MGA: variants seen among roughly 807,000 people sequenced by gnomAD.
MGA encodes the protein MAX gene-associated protein.
In MGA, 40 loss-of-function variants were observed where a neutral mutation model predicts 261.1. The ratio of observed to expected loss-of-function variants is 0.15; its 90% CI spans 0.12 to 0.20. MGA has a LOEUF of 0.20. Among genes scored for constraint, MGA ranks in the 10% least tolerant of loss-of-function variants. MGA has a pLI of 1.00. For missense variants in MGA, 3,397 were observed against 3,630.5 expected (o/e 0.94, Z 1.65); for synonymous variants, 1,302 against 1,290.6 (o/e 1.01, Z -0.19).
At chr15:41,662,350 G>A (rs1460134460) in intron 1 of MGA, among the ~76,000 whole-genome samples, 1 of 152,080 alleles carries the variant, frequency 6.6e-6, no homozygotes, top group East Asian at 1.9e-4. Context: ...CCATTCTTAG[G>A]AATAAAAAAT....
At chr15:41,695,132 A>G (rs1255484221) in intron 2 of MGA, among the ~76,000 whole-genome samples, 1 of 151,246 alleles carries the variant, frequency 6.6e-6, no homozygotes, top group African/African-American at 2.4e-5. Flanking sequence ...TGAGAGGTGC[A>G]GTTTTAGAAT....
At chr15:41,630,213 C>T (rs1260810234) in intron 1 of MGA, among the ~76,000 whole-genome samples, 2 of 152,186 alleles carry the variant, frequency 1.3e-5, no homozygotes, top group African/African-American at 2.4e-5. Context: ...TGCCCTGCCT[C>T]AAACTCCTAC....
intron 5 of MGA, among the ~76,000 whole-genome samples, chr15:41,707,259 C>T (rs771233492): frequency 1.3e-5 from 2 of 152,158 alleles, no homozygotes; most frequent in Non-Finnish European, 2.9e-5. Flanking sequence ...TAGTTGGGTC[C>T]TCTGCTTAGG....
chr15:41,748,486 G>GC lies in MGA; in HGVS notation c.5213-150dup, dbSNP rs2062638029. On this transcript the variant is annotated intron_variant, in intron 15 of 23. Transcript: ENST00000219905. ...GAAGAATCACTTGAACTAGGGAGGT[G>GC]CGGAGGTTGTAGTCAGTCGAGGTTG... 6 of 770,862 alleles carry GC rather than the reference G, an allele frequency of 7.8e-6. No individual in the cohort carries two copies. The African/African-American group carries it at 1.0e-4, about 13-fold the overall frequency. 47.8% of individuals were successfully genotyped at this position (770,862 alleles called of 1,614,324 possible). A position where few individuals can be genotyped will look rare whatever the true frequency, so the allele number is the denominator to read the frequency against.
chr15:41,651,356 T>C (rs2057038412), intron 1 of MGA, among the ~76,000 whole-genome samples: 1 of 152,220 alleles, frequency 6.6e-6, no homozygotes, highest in African/African-American at 2.4e-5. Flanking sequence ...TGTTTTACTC[T>C]TATAAAGGCA....
chr15:41,665,699 A>G (rs555875552), intron 1 of MGA, among the ~76,000 whole-genome samples: 1 of 152,146 alleles, frequency 6.6e-6, no homozygotes, highest in East Asian at 1.9e-4. Context: ...TTATTGAGAT[A>G]TAATTCACAT....
chr15:41,749,483 T>G lies in MGA; in HGVS notation c.5876T>G (p.Ile1959Ser), dbSNP rs1228635183. The change falls in exon 17 of 24, where the codon ATT becomes AGT. Residue 1959 changes from isoleucine to serine, a missense_variant. Ile to Ser is a moderately radical substitution (Grantham distance 142). Around this residue, in one of 9 missense-constraint regions of MGA, gnomAD observed 1,410 missense variants for 1,386.4 expected, o/e 1.02. Transcript: ENST00000219905. ...GGACAAAAGCCTGTTCCTAGCTCCA[T>G]TCTTCAGCATGTTGCTTCCCTTCAG... The G allele has an allele frequency of 6.2e-7, 1 of 1,613,978 alleles. No homozygotes were observed.
chr15:41,714,006 TATG>T (rs1247931295), intron 9 of MGA, among the ~76,000 whole-genome samples: 1 of 152,152 alleles, frequency 6.6e-6, no homozygotes, highest in African/African-American at 2.4e-5. Context: ...GAGGATAAAA[TATG>T]ATGTAGATGT....
At chr15:41,629,084 C>T (rs983524255) in intron 1 of MGA, among the ~76,000 whole-genome samples, 7 of 130,722 alleles carry the variant, frequency 5.4e-5, no homozygotes, top group South Asian at 2.3e-4. Context: ...CCAGCCTGGG[C>T]GACTGAGCAA....
chr15:41,746,385 A>G (rs1372592460), intron 15 of MGA, among the ~76,000 whole-genome samples: 1 of 152,018 alleles, frequency 6.6e-6, no homozygotes, highest in African/African-American at 2.4e-5. Context: ...TACTAAAAAT[A>G]CAAAAAAAAT....
At chr15:41,717,543 T>C (rs1457289973) in intron 9 of MGA, among the ~76,000 whole-genome samples, 3 of 152,168 alleles carry the variant, frequency 2.0e-5, no homozygotes, top group Admixed American at 1.3e-4. Context: ...GGAAAAACTC[T>C]TTAAAAGACA....
chr15:41,621,846 G>C lies in MGA; in HGVS notation c.-68+548G>C, dbSNP rs377674170. On this transcript the variant is annotated intron_variant, in intron 1 of 8. Coordinates refer to the MGA transcript ENST00000566718. ...TCGACCGGGCCCTGACGGCCTGAGCGGTCTTTCGAAGCGCGTGTGCGGCCT... is the reference window on the plus strand; with the variant it reads ...TCGACCGGGCCCTGACGGCCTGAGCCGTCTTTCGAAGCGCGTGTGCGGCCT... Among the ~76,000 whole-genome samples, 10 of 152,330 alleles carry C rather than the reference G, an allele frequency of 6.6e-5. No homozygotes were observed. The East Asian group carries it at 1.9e-3, about 29-fold the overall frequency.
At chr15:41,685,767 G>A (rs2058920209) in intron 2 of MGA, among the ~76,000 whole-genome samples, 1 of 152,012 alleles carries the variant, frequency 6.6e-6, no homozygotes, top group Admixed American at 6.6e-5. Flanking sequence ...GCCGAGGCGG[G>A]AGGATCAGGA....
In MGA at chr15:41,769,145, A is replaced by T. The variant is rs951500432; in HGVS notation, c.*1865A>T. ...GAGATGCTAGTACTTTAATCCAGGTATAGCAGTTTCCCGTTATTTTCTTGC... is the reference window on the plus strand; with the variant it reads ...GAGATGCTAGTACTTTAATCCAGGTTTAGCAGTTTCCCGTTATTTTCTTGC... On this transcript the variant is annotated 3_prime_UTR_variant, in exon 24 of 24. Coordinates refer to ENST00000219905, the MANE Select transcript of MGA (RefSeq NM_001164273.2). 8 of 152,608 alleles carry T rather than the reference A, an allele frequency of 5.2e-5. No homozygotes were observed. Among genetic ancestry groups the T allele is most frequent in the African/African-American group, 1.9e-4 (8 of 41,424 alleles). The allele number at this position is 152,608 out of a possible 1,614,324, so 9.5% of individuals were successfully genotyped here.
intron 9 of MGA, chr15:41,718,700 GA>G (rs1292271859): frequency 1.8e-5 from 4 of 221,306 alleles, no homozygotes; most frequent in Non-Finnish European, 2.7e-5. Context: ...AGATATTTTT[GA>G]AAGATTGACA....
chr15:41,640,491 A>G (rs2056799233), intron 1 of MGA, among the ~76,000 whole-genome samples: 1 of 152,022 alleles, frequency 6.6e-6, no homozygotes, highest in African/African-American at 2.4e-5. Flanking sequence ...TTGTGACATT[A>G]GCGTCTAACA....
intron 1 of MGA, among the ~76,000 whole-genome samples, chr15:41,634,617 A>G (rs2150572092): frequency 6.6e-6 from 1 of 152,306 alleles, no homozygotes; most frequent in South Asian, 2.1e-4. Flanking sequence ...TTACTGAGGT[A>G]GAACTTTATT....
At chr15:41,628,425 G>A (rs2056510035) in intron 1 of MGA, among the ~76,000 whole-genome samples, 1 of 151,688 alleles carries the variant, frequency 6.6e-6, no homozygotes, top group African/African-American at 2.4e-5. Flanking sequence ...AGAGAGTGGT[G>A]GTGGTGGGTT....
intron 2 of MGA, among the ~76,000 whole-genome samples, chr15:41,675,987 A>G (rs1595671837): frequency 1.3e-5 from 2 of 152,262 alleles, no homozygotes; most frequent in African/African-American, 2.4e-5. Flanking sequence ...TAGGTTTTAC[A>G]TAATTCCAAC....
Sources: allele counts gnomAD v4.1 joint callset (sites outside exome capture counted in the v4.1 genomes callset), GRCh38; gene constraint gnomAD v4.1.1; regional missense constraint gnomAD v4.1.1; transcripts MANE v1.5; gene names NCBI Gene and HGNC (gene_info 2026-07-23, HGNC 2026-07-21).